Variants in SARDH observed in about 807,000 individuals in gnomAD.
The protein encoded by SARDH is sarcosine dehydrogenase, mitochondrial.
In SARDH, 95 loss-of-function variants were observed where a neutral mutation model predicts 109.1. The ratio of observed to expected loss-of-function variants is 0.87; its 90% CI spans 0.74 to 1.03. The LOEUF (loss-of-function observed/expected upper bound fraction) is 1.03, where lower values mean the gene tolerates loss of function less well. Among genes scored for constraint, SARDH ranks in the 50% least tolerant of loss-of-function variants. The pLI is 0.00. For synonymous variants in SARDH, 572 were observed against 534.8 expected, an observed-to-expected ratio of 1.07 and a Z score of -0.96; for missense variants, 1,267 against 1,287.8, an observed-to-expected ratio of 0.98 and a Z score of 0.25.
At chr9:133,739,106 T>C (rs1832978944), upstream of SARDH, among the ~76,000 whole-genome samples, 1 of 152,142 alleles carries the variant, frequency 6.6e-6, no homozygotes, top group African/African-American at 2.4e-5. Flanking sequence ...CAGACAGAAG[T>C]AGACACCCAG....
intron 13 of SARDH, among the ~76,000 whole-genome samples, chr9:133,701,900 A>G (rs1831501902): frequency 6.6e-6 from 1 of 152,342 alleles, no homozygotes; most frequent in South Asian, 2.1e-4. Context: ...CTCAAAGACC[A>G]TGAAGAGTCT....
intron 10 of SARDH, among the ~76,000 whole-genome samples, chr9:133,711,301 G>T (rs868168669): frequency 1.3e-5 from 2 of 152,230 alleles, no homozygotes; most frequent in East Asian, 3.8e-4. Flanking sequence ...CCCAAGGGAG[G>T]CCAGGGCATG....
chr9:133,688,313 C>G (rs750554304), intron 16 of SARDH, among the ~76,000 whole-genome samples: 2 of 152,180 alleles, frequency 1.3e-5, no homozygotes, highest in African/African-American at 4.8e-5. Context: ...ATCATGCACG[C>G]GGAAGCTGTC....
At position 133,693,501 on chromosome 9, in the gene SARDH, A is replaced by T. The variant is rs1057341821; in HGVS notation, c.1921+757T>A. Among the ~76,000 whole-genome samples the T allele has an allele frequency of 2.6e-5, 4 of 152,194 alleles. No individual in the cohort carries two copies. The highest frequency in any genetic ancestry group is 4.8e-5 in the African/African-American group (2 of 41,438). On this transcript the variant is annotated intron_variant, in intron 15 of 20. Coordinates refer to ENST00000439388, the MANE Select transcript of SARDH (RefSeq NM_001134707.2). This position sits in a 1 kb window ranked among gnomAD's most constrained non-coding sequence, Gnocchi z 5.6. ...CCCCTGCCCCGGGGACAGCACAGAG[A>T]GCTGCACGGTCAGCACCTTCCCCTG...
chr9:133,695,852 T>C (rs1831267040), intron 14 of SARDH, among the ~76,000 whole-genome samples: 1 of 152,162 alleles, frequency 6.6e-6, no homozygotes, highest in Non-Finnish European at 1.5e-5. Context: ...AAATGTAGCT[T>C]AGCATCCTGT....
chr9:133,711,233 T>C (rs919421986), intron 10 of SARDH, among the ~76,000 whole-genome samples: 36 of 152,306 alleles, frequency 2.4e-4, no homozygotes, highest in African/African-American at 7.7e-4. Context: ...CAGCCGAGGA[T>C]ACAGAGGCAC....
intron 8 of SARDH, 24 bp downstream of exon 8, chr9:133,717,302 C>T: frequency 6.2e-7 from 1 of 1,613,286 alleles, no homozygotes. Context: ...GGACGCCCAC[C>T]CCAGCTCCGA....
chr9:133,733,206 G>T (rs1389572427), intron 2 of SARDH, among the ~76,000 whole-genome samples: 2 of 152,144 alleles, frequency 1.3e-5, no homozygotes, highest in Non-Finnish European at 2.9e-5. Flanking sequence ...AGGAGCCCAG[G>T]GATAAACCTC....
At chr9:133,697,106 G>C (rs1831313999) in intron 13 of SARDH, among the ~76,000 whole-genome samples, 1 of 152,168 alleles carries the variant, frequency 6.6e-6, no homozygotes, top group African/African-American at 2.4e-5. Context: ...AATCAGGAAT[G>C]AAAGACAGGA....
rs1166224433 is a variant in SARDH at position 133,696,513 on chromosome 9, G to A, written c.1669-152C>T. ...CCGCACCAAGCCCTTCTCAGCTCAG[G>A]TGCACACTGTGACACATGCTTCCCA... is the stretch of plus-strand genomic sequence containing the variant. On this transcript the variant is annotated intron_variant, in intron 13 of 20. Transcript: ENST00000439388. 4.6e-6 allele frequency: 4 copies of A among 872,984 alleles called. No individual in the cohort carries two copies. The African/African-American group carries it at 6.7e-5, about 15-fold the overall frequency. The allele number at this position is 872,984 out of a possible 1,614,324, so 54.1% of individuals were successfully genotyped here.
rs145092538 is a variant in SARDH at position 133,732,457 on chromosome 9, C to T, written c.476G>A (p.Arg159Gln). The T allele has an allele frequency of 9.3e-6, 15 of 1,609,452 alleles. No individual in the cohort carries two copies. The highest frequency in any genetic ancestry group is 4.5e-5 in the East Asian group (2 of 44,520). The change falls in exon 3 of 21, where the codon CGG becomes CAG. Residue 159 changes from arginine to glutamine, a missense_variant. Coordinates refer to ENST00000439388, the MANE Select transcript of SARDH (RefSeq NM_001134707.2). ...QNGGLFIASN[R>Q]QRLDEYKRLM... ...CCTCTTGTACTCGTCCAGGCGCTGC[C>T]GGTTGGACGCGATGAAGAGGCCCCC...
chr9:133,702,822 G>A (rs921356010), intron 13 of SARDH, 94 bp downstream of exon 13: 22 of 1,080,264 alleles, frequency 2.0e-5, no homozygotes, highest in Non-Finnish European at 2.8e-5. Context: ...CTGGGGGAGG[G>A]GAGCCCCTGC....
chr9:133,671,997 G>A (rs138416607), intron 17 of SARDH, among the ~76,000 whole-genome samples: 4 of 152,306 alleles, frequency 2.6e-5, no homozygotes, highest in Non-Finnish European at 4.4e-5. Flanking sequence ...CATAACAAAC[G>A]ACCACAACTG....
intron 12 of SARDH, chr9:133,703,584 TGG>T (rs1831573715): frequency 6.4e-6 from 1 of 156,786 alleles, no homozygotes; most frequent in African/African-American, 2.4e-5. Context: ...TTGGCCTCCC[TGG>T]GATCTGCCCC....
chr9:133,702,742 G>A (rs1021558614), intron 13 of SARDH, among the ~76,000 whole-genome samples, 174 bp downstream of exon 13: 3 of 152,146 alleles, frequency 2.0e-5, no homozygotes, highest in Non-Finnish European at 1.5e-5. Context: ...AGGGGGAGAG[G>A]AAAACGCATG....
intron 8 of SARDH, among the ~76,000 whole-genome samples, chr9:133,715,425 G>C (rs561032362): frequency 2.0e-5 from 3 of 152,272 alleles, no homozygotes; most frequent in African/African-American, 4.8e-5. Flanking sequence ...CGCAAGCTGC[G>C]GGGTGGGGGC....
At chr9:133,672,544 G>GA (rs1284007570) in intron 17 of SARDH, among the ~76,000 whole-genome samples, 3 of 152,204 alleles carry the variant, frequency 2.0e-5, no homozygotes, top group Non-Finnish European at 4.4e-5. Flanking sequence ...CAGCTCAGGG[G>GA]ACACCACCCT....
At chr9:133,717,651 C>A (rs1432318987) in intron 7 of SARDH, among the ~76,000 whole-genome samples, 196 bp from the exon 8 acceptor site, 1 of 151,814 alleles carries the variant, frequency 6.6e-6, no homozygotes, top group Non-Finnish European at 1.5e-5. Context: ...TCTGCTCCCC[C>A]TCCCCACCCC....
intron 12 of SARDH, 88 bp from the exon 13 acceptor site, chr9:133,703,117 G>A: frequency 8.4e-7 from 1 of 1,192,032 alleles, no homozygotes. Context: ...AGGCTGTGAT[G>A]GGGTCAGGCC....
Sources: gnomAD v4.1 joint callset for allele counts (sites outside exome capture counted in the v4.1 genomes callset) on GRCh38, gnomAD v4.1.1 for gene constraint, Gnocchi (gnomAD v3.1) non-coding constraint, MANE v1.5 for transcripts, NCBI Gene and HGNC (gene_info 2026-07-23, HGNC 2026-07-21) for gene names.